LRRK2: variants seen among roughly 807,000 people sequenced by gnomAD.
LRRK2 encodes leucine rich repeat kinase 2.
LRRK2 carries 203 observed loss-of-function variants against 302.6 expected under a neutral mutation model. The ratio of observed to expected loss-of-function variants is 0.67; its 90% confidence interval spans 0.60 to 0.75. LRRK2 has a LOEUF of 0.75. LRRK2 is among the 30% of genes least tolerant of loss of function. LRRK2 has a pLI of 0.00. For missense variants in LRRK2, 2,830 were observed against 2,951.0 expected, an observed-to-expected ratio of 0.96 and a Z score of 0.95; for synonymous variants, 1,066 against 1,031.9, an observed-to-expected ratio of 1.03 and a Z score of -0.63.
intron 27 of LRRK2, 26 bp from the exon 28 acceptor site, chr12:40,305,759 G>T (rs751333575): frequency 6.2e-7 from 1 of 1,610,234 alleles, no homozygotes; most frequent in East Asian, 2.2e-5. Context: ...CCACCAACAG[G>T]TTTTGCCCTT....
intron 25 of LRRK2, among the ~76,000 whole-genome samples, chr12:40,300,007 C>G (rs766227699): frequency 6.6e-6 from 1 of 152,052 alleles, no homozygotes; most frequent in Non-Finnish European, 1.5e-5. Context: ...CCCTGTGGTT[C>G]CCTTTAGTCT....
At chr12:40,289,505 TATG>T (rs1944060459) in intron 20 of LRRK2, among the ~76,000 whole-genome samples, 1 of 149,406 alleles carries the variant, frequency 6.7e-6, no homozygotes, top group Admixed American at 6.7e-5. Flanking sequence ...TCATATTACC[TATG>T]ATTTTAATGT....
In LRRK2 at chr12:40,287,468, A is replaced by T. The variant is rs1270648624; in HGVS notation, c.2618A>T (p.Asp873Val). 1 of 1,612,786 alleles carries T rather than the reference A, an allele frequency of 6.2e-7. No homozygotes were observed. Among genetic ancestry groups the T allele is most frequent in the Non-Finnish European group, 8.5e-7 (1 of 1,179,158 alleles). The part of the protein sequence containing the change: ...NFSEDVLSKF[D>V]EWTFIPDSSM... ...TCTGAAGATGTGCTGTCTAAATTTG[A>T]TGAATGGACCTTTATTCCTGACTCT... Residue 873 changes from aspartate (D) to valine (V), a missense_variant, in exon 20 of 51, where the codon GAT becomes GTT. By Grantham distance (152) the Asp-to-Val change is radical (BLOSUM62 -3). Coordinates refer to ENST00000298910, the MANE Select transcript of LRRK2 (RefSeq NM_198578.4).
intron 23 of LRRK2, among the ~76,000 whole-genome samples, chr12:40,296,152 A>AT: frequency 6.6e-6 from 1 of 152,064 alleles, no homozygotes; most frequent in East Asian, 1.9e-4. Flanking sequence ...TAACTTAAAG[A>AT]TTTTTTTCTT....
At chr12:40,343,186 G>C (rs768117879) in intron 41 of LRRK2, among the ~76,000 whole-genome samples, 5 of 152,186 alleles carry the variant, frequency 3.3e-5, no homozygotes, top group Non-Finnish European at 4.4e-5. Flanking sequence ...TGCTGTGTCT[G>C]TCCACATTTT....
chr12:40,362,235 T>C (rs1250299677), intron 47 of LRRK2, among the ~76,000 whole-genome samples: 1 of 152,056 alleles, frequency 6.6e-6, no homozygotes, highest in African/African-American at 2.4e-5. Context: ...TGACAACACA[T>C]CATATTTTTA....
At chr12:40,333,963 A>T (rs1347486932) in intron 39 of LRRK2, among the ~76,000 whole-genome samples, 1 of 152,074 alleles carries the variant, frequency 6.6e-6, no homozygotes, top group East Asian at 1.9e-4. Flanking sequence ...GGCCTGGGGC[A>T]TGATCAGATC....
chr12:40,352,521 C>T (rs546289734), intron 44 of LRRK2, among the ~76,000 whole-genome samples: 6 of 141,362 alleles, frequency 4.2e-5, no homozygotes, highest in African/African-American at 1.3e-4. Flanking sequence ...GGGGATTTGG[C>T]AGGGTCATAG....
intron 47 of LRRK2, among the ~76,000 whole-genome samples, chr12:40,362,418 T>A (rs1218949747): frequency 6.6e-6 from 1 of 152,086 alleles, no homozygotes; most frequent in Non-Finnish European, 1.5e-5. Context: ...AGTGCCTTCT[T>A]CTATTCCCCC....
intron 35 of LRRK2, 64 bp from the exon 36 acceptor site, chr12:40,321,971 T>C: frequency 2.7e-6 from 4 of 1,502,758 alleles, no homozygotes; most frequent in Non-Finnish European, 3.7e-6. Context: ...ACTTGTGTTG[T>C]GTGCAGTAGA....
chr12:40,249,081 C>T (rs1336451479), intron 7 of LRRK2, among the ~76,000 whole-genome samples: 1 of 152,118 alleles, frequency 6.6e-6, no homozygotes, highest in Non-Finnish European at 1.5e-5. Context: ...TCTCAGAGAT[C>T]ACTTAGTTAC....
In LRRK2 at chr12:40,295,581, G is replaced by A. The variant is rs141252946; in HGVS notation, c.3033G>A (p.Glu1011=). The change falls in exon 23 of 51, where the codon GAG becomes GAA. Residue 1011 remains glutamate (E), a synonymous_variant. Transcript: ENST00000298910. ...SQKCCISVHL[E]HLEKLELHQN... ...AATGCTGTATAAGTGTTCATTTGGA[G>A]CATCTTGAAAAGCTGGAGCTTCACC... 4.3e-6 allele frequency: 7 copies of A among 1,614,008 alleles called. No individual in the cohort carries two copies. The African/African-American group carries it at 8.0e-5, about 18-fold the overall frequency.
At chr12:40,275,732 T>G (rs1033440958) in intron 16 of LRRK2, among the ~76,000 whole-genome samples, 3 of 151,912 alleles carry the variant, frequency 2.0e-5, no homozygotes, top group African/African-American at 7.3e-5. Flanking sequence ...TGCCTCAGCC[T>G]CCTGAGTAGC....
chr12:40,358,580 C>T (rs1343619491), intron 46 of LRRK2, among the ~76,000 whole-genome samples: 1 of 151,972 alleles, frequency 6.6e-6, no homozygotes, highest in Admixed American at 6.6e-5. Flanking sequence ...ATTGGTCTAC[C>T]TACCTGTGTT....
chr12:40,356,326 A>G (rs1045103598), intron 46 of LRRK2, 139 bp downstream of exon 46: 3 of 635,718 alleles, frequency 4.7e-6, no homozygotes, highest in Non-Finnish European at 8.1e-6. Context: ...GCTTCATAAA[A>G]TCTTGAACAC....
chr12:40,232,650 A>G (rs1394039794), intron 3 of LRRK2: 4 of 264,040 alleles, frequency 1.5e-5, no homozygotes, highest in Admixed American at 4.8e-5. Flanking sequence ...GTTAAGTTGT[A>G]GATTTTTGAT....
At chr12:40,314,504 A>G (rs1208064887) in intron 32 of LRRK2, among the ~76,000 whole-genome samples, 1 of 152,096 alleles carries the variant, frequency 6.6e-6, no homozygotes, top group African/African-American at 2.4e-5. Context: ...CATAATGTCA[A>G]ATGAGTTTAG....
chr12:40,245,117 C>G (rs930213842), intron 7 of LRRK2, among the ~76,000 whole-genome samples: 2 of 151,182 alleles, frequency 1.3e-5, no homozygotes. Context: ...GTGATTTACT[C>G]TTTTTTATGT....
At chr12:40,309,285 C>CAT (rs1555187420) in intron 30 of LRRK2, 52 bp downstream of exon 30, 80 of 1,316,730 alleles carry the variant, frequency 6.1e-5, no homozygotes, top group Non-Finnish European at 7.6e-5. Context: ...TGTCTGTGTG[C>CAT]GTGTGTGTGT....
Sources: allele counts gnomAD v4.1 joint callset (sites outside exome capture counted in the v4.1 genomes callset), GRCh38; gene constraint gnomAD v4.1.1; transcripts MANE v1.5; gene names NCBI Gene and HGNC (gene_info 2026-07-23, HGNC 2026-07-21).